The following TRNAU1AP variants were observed in gnomAD, a reference collection of about 807,000 sequenced individuals.
The protein encoded by TRNAU1AP is tRNA selenocysteine 1 associated protein 1.
Under a neutral mutation model 43.3 loss-of-function variants are expected in TRNAU1AP, and 33 were observed. That is an observed-to-expected ratio of 0.76 (90% CI 0.58 to 1.02). TRNAU1AP has a LOEUF of 1.02. Among genes scored for constraint, TRNAU1AP ranks in the 50% least tolerant of loss-of-function variants. The probability of loss-of-function intolerance (pLI) is 0.00; values close to 1 mark genes in which losing one functional copy is unlikely to be tolerated. For synonymous variants in TRNAU1AP, 143 were observed against 129.1 expected, an observed-to-expected ratio of 1.11 and a Z score of -0.73; for missense variants, 290 against 362.7, an observed-to-expected ratio of 0.80 and a Z score of 1.63.
At chr1:28,558,082 T>TTTG (rs1665315645) in intron 2 of TRNAU1AP, among the ~76,000 whole-genome samples, 1 of 148,526 alleles carries the variant, frequency 6.7e-6, no homozygotes, top group South Asian at 2.1e-4. Context: ...TTTTTTTTTT[T>TTTG]TTGTTTAGTA....
chr1:28,560,308 A>T (rs1049784509), intron 2 of TRNAU1AP, among the ~76,000 whole-genome samples: 36 of 148,228 alleles, frequency 2.4e-4, no homozygotes, highest in Non-Finnish European at 4.6e-4. Context: ...AAACAGTCTC[A>T]AACCAGCCTG....
intron 7 of TRNAU1AP, 81 bp from the exon 8 acceptor site, chr1:28,571,786 A>AAAAAATAAAAAAAATAAAAAAAATAAAAT: frequency 9.9e-7 from 1 of 1,008,582 alleles, no homozygotes; most frequent in African/African-American, 1.9e-5. Flanking sequence ...CCACCTCAAA[A>AAAAAATAAAAAAAATAAAAAAAATAAAAT]AAAATAAAAA....
chr1:28,566,186 G>T (rs1001351732), intron 5 of TRNAU1AP, among the ~76,000 whole-genome samples: 2 of 151,508 alleles, frequency 1.3e-5, no homozygotes, highest in South Asian at 4.2e-4. Flanking sequence ...ATGGTGGTGC[G>T]TGCCTGTAGT....
At chr1:28,577,432 G>A in intron 8 of TRNAU1AP, 68 bp from the exon 9 acceptor site, 2 of 1,557,002 alleles carry the variant, frequency 1.3e-6, no homozygotes, top group Non-Finnish European at 1.7e-6. Flanking sequence ...TCTGGGAGAA[G>A]GGAACTGAAC....
intron 8 of TRNAU1AP, among the ~76,000 whole-genome samples, chr1:28,576,680 A>G (rs1165833330): frequency 6.6e-6 from 1 of 150,650 alleles, no homozygotes; most frequent in Admixed American, 6.6e-5. Context: ...GCTCACCGCA[A>G]CCTCCACCTC....
At chr1:28,564,594 A>G in intron 4 of TRNAU1AP, 109 bp from the exon 5 acceptor site, 1 of 1,372,170 alleles carries the variant, frequency 7.3e-7, no homozygotes, top group Non-Finnish European at 9.9e-7. Flanking sequence ...GACCCATCAA[A>G]TGTTTTCCTT....
intron 8 of TRNAU1AP, among the ~76,000 whole-genome samples, chr1:28,572,475 C>T (rs1436375697): frequency 6.6e-6 from 1 of 151,852 alleles, no homozygotes; most frequent in Non-Finnish European, 1.5e-5. Context: ...GGATTACAGG[C>T]ATGAGCCACT....
chr1:28,577,481 A>G lies in TRNAU1AP; in HGVS notation c.728-19A>G. On this transcript the variant is annotated intron_variant, in intron 8 of 8. Transcript: ENST00000373830. ...GCTGTCCCTAGACTTCCCTGACCCC[A>G]TCCTTGCTTGCTTTCCAGACCCCAT... The G allele has an allele frequency of 6.2e-7, 1 of 1,612,976 alleles. No homozygotes were observed. Among genetic ancestry groups the G allele is most frequent in the Non-Finnish European group, 8.5e-7 (1 of 1,179,482 alleles).
chr1:28,577,789 A>G lies in TRNAU1AP; in HGVS notation c.*153A>G. On this transcript the variant is annotated 3_prime_UTR_variant, in exon 9 of 9. Transcript: ENST00000373830. ...ATGTTTCTACAACACTGCTGCATTC[A>G]TTTGACCATTTGAGTTTGAAGACCA... is the stretch of plus-strand genomic sequence containing the variant. The G allele has an allele frequency of 1.2e-6, 1 of 820,100 alleles. No individual in the cohort carries two copies. The highest frequency in any genetic ancestry group is 1.9e-5 in the South Asian group (1 of 53,012). 50.8% of individuals were successfully genotyped at this position (820,100 alleles called of 1,614,324 possible).
intron 8 of TRNAU1AP, among the ~76,000 whole-genome samples, chr1:28,573,394 C>A (rs1426544566): frequency 3.3e-5 from 5 of 150,182 alleles, no homozygotes; most frequent in East Asian, 2.0e-4. Flanking sequence ...TAATCCCAGC[C>A]CTTTGGGAGG....
chr1:28,577,077 C>A (rs536151661), intron 8 of TRNAU1AP, among the ~76,000 whole-genome samples: 18 of 152,244 alleles, frequency 1.2e-4, no homozygotes, highest in South Asian at 4.1e-4. Context: ...AAAGTACATA[C>A]ACACACACAT....
chr1:28,572,030 C>A (rs551369272), intron 8 of TRNAU1AP, 130 bp downstream of exon 8: 2 of 820,534 alleles, frequency 2.4e-6, no homozygotes, highest in African/African-American at 1.7e-5. Flanking sequence ...GGTTAGAGAG[C>A]CAGACAAATA....
intron 4 of TRNAU1AP, among the ~76,000 whole-genome samples, chr1:28,564,072 G>A (rs980482575): frequency 3.3e-5 from 5 of 151,870 alleles, no homozygotes; most frequent in African/African-American, 9.7e-5. Flanking sequence ...TGAGACCAGC[G>A]TGGCCAACTT....
chr1:28,558,171 AC>A (rs1163246299), intron 2 of TRNAU1AP, among the ~76,000 whole-genome samples: 1 of 144,144 alleles, frequency 6.9e-6, no homozygotes, highest in African/African-American at 2.6e-5. Flanking sequence ...TGTTGGAATT[AC>A]AGGCGTGAGC....
At position 28,571,319 on chromosome 1, in the gene TRNAU1AP, A is replaced by G. The variant is rs1665657484; in HGVS notation, c.674A>G (p.Tyr225Cys). The G allele has an allele frequency of 1.2e-6, 2 of 1,613,968 alleles. No homozygotes were observed. Among genetic ancestry groups the G allele is most frequent in the Non-Finnish European group, 1.7e-6 (2 of 1,179,886 alleles). ...AGCTACAGTTACCCCCAGTATGGCT[A>G]TACCCAGAGCACCATGCAGGTAACC... Reference protein sequence around the residue: ...SYSYSYPQYGYTQSTMQTYEE... With the variant: ...SYSYSYPQYGCTQSTMQTYEE... The change falls in exon 7 of 9, where the codon TAT (tyrosine) becomes TGT (cysteine). Residue 225 changes from tyrosine to cysteine, a missense_variant. By Grantham distance (194) the Tyr-to-Cys change is radical (BLOSUM62 -2). Around this residue, in one of 3 missense-constraint regions of TRNAU1AP, gnomAD observed 174 missense variants for 262.1 expected, o/e 0.66. Coordinates refer to ENST00000373830, the MANE Select transcript of TRNAU1AP (RefSeq NM_017846.5).
At chr1:28,575,883 TAGAG>T (rs1181191417) in intron 8 of TRNAU1AP, among the ~76,000 whole-genome samples, 4 of 97,168 alleles carry the variant, frequency 4.1e-5, no homozygotes, top group Non-Finnish European at 2.0e-5. Flanking sequence ...TTTTTTGAGA[TAGAG>T]TCTTTGCTCT....
Position 28,578,317 on chromosome 1 carries a change from T to C in TRNAU1AP, c.*681T>C, listed in dbSNP as rs1426828399. ...GCCAAAGCAGACCCTCCGTGTGAACTTTATACTGCTCACTTCCGTGTTTCC... is the reference window on the plus strand; with the variant it reads ...GCCAAAGCAGACCCTCCGTGTGAACCTTATACTGCTCACTTCCGTGTTTCC... On this transcript the variant is annotated 3_prime_UTR_variant, in exon 9 of 9. Transcript: ENST00000373830. 5.8e-6 allele frequency: 1 copy of C among 173,206 alleles called. No individual in the cohort carries two copies. Among genetic ancestry groups the C allele is most frequent in the Non-Finnish European group, 1.2e-5 (1 of 80,282 alleles). The allele number at this position is 173,206 out of a possible 1,614,324, so 10.7% of individuals were successfully genotyped here. A position where few individuals can be genotyped will look rare whatever the true frequency, so the allele number is the denominator to read the frequency against.
At chr1:28,577,413 G>C in intron 8 of TRNAU1AP, 87 bp from the exon 9 acceptor site, 2 of 1,480,922 alleles carry the variant, frequency 1.4e-6, no homozygotes, top group South Asian at 1.3e-5. Context: ...CCTTACCATA[G>C]AACAGAGTTC....
At chr1:28,575,582 C>T (rs1395448518) in intron 8 of TRNAU1AP, among the ~76,000 whole-genome samples, 2 of 150,568 alleles carry the variant, frequency 1.3e-5, no homozygotes, top group Non-Finnish European at 2.9e-5. Context: ...TCTGCCTCAG[C>T]CTCCCGAGTA....
Sources: gnomAD v4.1 joint callset for allele counts (sites outside exome capture counted in the v4.1 genomes callset) on GRCh38, gnomAD v4.1.1 for gene constraint, gnomAD v4.1.1 regional missense constraint, MANE v1.5 for transcripts, NCBI Gene and HGNC (gene_info 2026-07-23, HGNC 2026-07-21) for gene names.